RAPGEF5: variants seen among roughly 807,000 people sequenced by gnomAD.
RAPGEF5 encodes M-Ras-regulated GEF.
A neutral mutation model predicts 125.2 loss-of-function variants in RAPGEF5; 65 were observed. The ratio of observed to expected loss-of-function variants is 0.52; its 90% CI spans 0.43 to 0.64. The LOEUF is 0.64. RAPGEF5 is among the 30% of genes least tolerant of loss of function. The probability of loss-of-function intolerance (pLI) is 0.00; values close to 1 mark genes in which losing one functional copy is unlikely to be tolerated. For missense variants in RAPGEF5, 958 were observed against 1,048.1 expected, an observed-to-expected ratio of 0.91 and a Z score of 1.19; for synonymous variants, 391 against 385.9, an observed-to-expected ratio of 1.01 and a Z score of -0.16.
rs182784147 is a variant in RAPGEF5 at position 22,172,863 on chromosome 7, C to T, written c.1205-5715G>A. On this transcript the variant is annotated intron_variant, in intron 11 of 25. Transcript: ENST00000665637. The stretch of plus-strand genomic sequence containing the variant: ...CAACACTCATAAGCAAAATGCACTG[C>T]GATAATGAAACCACTCAGCTGTTAA... Among the ~76,000 whole-genome samples, 164 of 152,102 alleles carry T rather than the reference C, an allele frequency of 1.1e-3. 2 individuals carry two copies. The highest frequency in any genetic ancestry group is 5.4e-3 in the Admixed American group (83 of 15,280).
intron 11 of RAPGEF5, among the ~76,000 whole-genome samples, chr7:22,169,210 G>A (rs1784265266): frequency 6.6e-6 from 1 of 152,054 alleles, no homozygotes; most frequent in South Asian, 2.1e-4. Context: ...AAGAGCCAGG[G>A]GCCCCCTACT....
intron 7 of RAPGEF5, among the ~76,000 whole-genome samples, chr7:22,243,985 G>A (rs1302507260): frequency 2.0e-5 from 3 of 151,976 alleles, no homozygotes; most frequent in South Asian, 2.1e-4. Flanking sequence ...CTCTACTTCC[G>A]TAAGTTCTAC....
At chr7:22,187,217 CA>C (rs1204377675) in intron 11 of RAPGEF5, among the ~76,000 whole-genome samples, 6 of 152,130 alleles carry the variant, frequency 3.9e-5, no homozygotes, top group African/African-American at 1.4e-4. Context: ...GTCTCCCTCC[CA>C]CCTAAAATTC....
intron 1 of RAPGEF5, among the ~76,000 whole-genome samples, chr7:22,330,945 A>C (rs1034444518): frequency 2.6e-5 from 4 of 152,204 alleles, no homozygotes; most frequent in African/African-American, 9.6e-5. Context: ...TTAAATTAAA[A>C]TCATGATCCT....
chr7:22,143,929 A>G (rs1471933087), intron 20 of RAPGEF5, among the ~76,000 whole-genome samples: 1 of 152,266 alleles, frequency 6.6e-6, no homozygotes, highest in African/African-American at 2.4e-5. Flanking sequence ...ACATCTGTAC[A>G]TGTAAGTGAT....
At chr7:22,152,583 TAA>T (rs1783663790) in intron 17 of RAPGEF5, among the ~76,000 whole-genome samples, 1 of 152,190 alleles carries the variant, frequency 6.6e-6, no homozygotes, top group Non-Finnish European at 1.5e-5. Flanking sequence ...AAAAAACAGC[TAA>T]AGACTTACTA....
chr7:22,226,379 A>C (rs1785918500), intron 8 of RAPGEF5, among the ~76,000 whole-genome samples: 1 of 152,230 alleles, frequency 6.6e-6, no homozygotes, highest in African/African-American at 2.4e-5. Context: ...TAGATGATAA[A>C]TTATTCTACT....
At chr7:22,123,218 G>A (rs1051303205) in intron 25 of RAPGEF5, among the ~76,000 whole-genome samples, 1 of 152,130 alleles carries the variant, frequency 6.6e-6, no homozygotes, top group Non-Finnish European at 1.5e-5. Context: ...AAGGAATCGA[G>A]GGGCCAAAGG....
intron 1 of RAPGEF5, among the ~76,000 whole-genome samples, chr7:22,341,894 A>C (rs1784136121): frequency 6.6e-6 from 1 of 152,188 alleles, no homozygotes; most frequent in East Asian, 1.9e-4. Context: ...GCACAGTGTA[A>C]GCTGTTAGCA....
chr7:22,205,324 AC>A (rs1250923180), intron 9 of RAPGEF5, among the ~76,000 whole-genome samples: 1 of 152,154 alleles, frequency 6.6e-6, no homozygotes, highest in African/African-American at 2.4e-5. Flanking sequence ...AAGGTAGAAA[AC>A]TTCTTATTTA....
chr7:22,355,264 T>C (rs1463182341), intron 1 of RAPGEF5, among the ~76,000 whole-genome samples: 1 of 152,206 alleles, frequency 6.6e-6, no homozygotes, highest in Non-Finnish European at 1.5e-5. Context: ...TGACAAGGTA[T>C]ACGACACCCT....
At chr7:22,295,208 T>C (rs1418851551) in intron 5 of RAPGEF5, among the ~76,000 whole-genome samples, 2 of 152,226 alleles carry the variant, frequency 1.3e-5, no homozygotes, top group African/African-American at 4.8e-5. Flanking sequence ...ATCTTTGATA[T>C]CATGAATACA....
intron 7 of RAPGEF5, among the ~76,000 whole-genome samples, chr7:22,261,020 G>C (rs937648587): frequency 3.9e-5 from 6 of 152,120 alleles, no homozygotes; most frequent in Non-Finnish European, 7.4e-5. Flanking sequence ...AGGGTAACTG[G>C]CTTAACATAA....
chr7:22,322,641 T>C (rs1325721400), intron 1 of RAPGEF5, among the ~76,000 whole-genome samples: 2 of 152,108 alleles, frequency 1.3e-5, no homozygotes, highest in East Asian at 3.8e-4. Context: ...AAGAGTAATG[T>C]GACAAAAAAG....
chr7:22,308,227 G>C, intron 5 of RAPGEF5, 112 bp downstream of exon 5: 3 of 1,087,562 alleles, frequency 2.8e-6, no homozygotes, highest in Non-Finnish European at 3.7e-6. Flanking sequence ...AATGGGGATA[G>C]TAACTCCCTC....
At chr7:22,348,595 T>G (rs950896123) in intron 1 of RAPGEF5, among the ~76,000 whole-genome samples, 1 of 152,182 alleles carries the variant, frequency 6.6e-6, no homozygotes, top group Non-Finnish European at 1.5e-5. Context: ...CAAACCTTCA[T>G]GTTTCTTGTC....
At chr7:22,243,306 G>A (rs928364055) in intron 7 of RAPGEF5, among the ~76,000 whole-genome samples, 2 of 152,126 alleles carry the variant, frequency 1.3e-5, no homozygotes, top group Non-Finnish European at 2.9e-5. Flanking sequence ...ACCCAGGCTG[G>A]AGTACAGTGG....
chr7:22,334,114 C>G (rs1385096201), intron 1 of RAPGEF5, among the ~76,000 whole-genome samples: 1 of 150,718 alleles, frequency 6.6e-6, no homozygotes, highest in Non-Finnish European at 1.5e-5. Flanking sequence ...TTTCCAGTAT[C>G]GCCAATCCAC....
chr7:22,268,961 C>T (rs1782351461), intron 6 of RAPGEF5, among the ~76,000 whole-genome samples: 1 of 151,930 alleles, frequency 6.6e-6, no homozygotes, highest in South Asian at 2.1e-4. Context: ...ATTTCCGGGG[C>T]ACTTGGGAGG....
Sources: gnomAD v4.1 joint callset for allele counts (sites outside exome capture counted in the v4.1 genomes callset) on GRCh38, gnomAD v4.1.1 for gene constraint, MANE v1.5 for transcripts, NCBI Gene and HGNC (gene_info 2026-07-23, HGNC 2026-07-21) for gene names.